The following PCNX1 variants were observed in gnomAD, a reference collection of about 807,000 sequenced individuals.
PCNX1 encodes the protein pecanex 1.
Under a neutral mutation model 242.2 loss-of-function variants are expected in PCNX1, and 78 were observed. That is an observed-to-expected ratio of 0.32 (90% CI 0.27 to 0.39). The LOEUF (loss-of-function observed/expected upper bound fraction) is 0.39, where lower values mean the gene tolerates loss of function less well. Ranked by LOEUF, PCNX1 falls within the 10% of genes least tolerant of loss-of-function variation. PCNX1 has a pLI of 1.00. For synonymous variants in PCNX1, 1,024 were observed against 1,032.9 expected, an observed-to-expected ratio of 0.99 and a Z score of 0.17; for missense variants, 2,581 against 2,856.5, an observed-to-expected ratio of 0.90 and a Z score of 2.20.
At chr14:70,939,649 C>T (rs1452431113) in intron 1 of PCNX1, among the ~76,000 whole-genome samples, 3 of 152,098 alleles carry the variant, frequency 2.0e-5, no homozygotes, top group Non-Finnish European at 4.4e-5. Flanking sequence ...CTATTAGGTC[C>T]ACTTGGTGCA....
intron 26 of PCNX1, among the ~76,000 whole-genome samples, chr14:71,071,043 T>C (rs2061574349): frequency 6.6e-6 from 1 of 152,346 alleles, no homozygotes; most frequent in South Asian, 2.1e-4. Flanking sequence ...TGCAGTTTTA[T>C]GTTATGAAGA....
chr14:70,926,460 G>A (rs1286660350), intron 1 of PCNX1, among the ~76,000 whole-genome samples: 2 of 152,134 alleles, frequency 1.3e-5, no homozygotes, highest in Non-Finnish European at 2.9e-5. Context: ...TATGTAAATA[G>A]CAGCAAGAGA....
At chr14:71,102,669 TA>T (rs2062495087) in intron 31 of PCNX1, among the ~76,000 whole-genome samples, 1 of 152,226 alleles carries the variant, frequency 6.6e-6, no homozygotes, top group Non-Finnish European at 1.5e-5. Flanking sequence ...TAATTTTACT[TA>T]TTTTTTTTTA....
At chr14:71,020,487 A>T (rs916044153) in intron 12 of PCNX1, among the ~76,000 whole-genome samples, 8 of 152,104 alleles carry the variant, frequency 5.3e-5, no homozygotes, top group Admixed American at 5.2e-4. Context: ...CTGGCTTGAG[A>T]TGGTATCTCA....
At chr14:70,958,406 A>G (rs971140753) in intron 2 of PCNX1, among the ~76,000 whole-genome samples, 5 of 152,164 alleles carry the variant, frequency 3.3e-5, no homozygotes, top group Non-Finnish European at 7.3e-5. Context: ...TATATTGCCT[A>G]TATCTTTTGA....
intron 30 of PCNX1, among the ~76,000 whole-genome samples, chr14:71,090,680 T>C (rs986241406): frequency 2.0e-5 from 3 of 152,248 alleles, no homozygotes; most frequent in Non-Finnish European, 4.4e-5. Context: ...TTTTAAAACT[T>C]AGACATTTCT....
At chr14:71,078,823 G>A (rs1016597675) in intron 28 of PCNX1, 19 of 152,040 alleles carry the variant, frequency 1.2e-4, no homozygotes, top group African/African-American at 4.1e-4. Flanking sequence ...TAAATATGAT[G>A]TGCCTTAGTG....
chr14:71,073,670 C>G lies in PCNX1; in HGVS notation c.4978C>G (p.Arg1660Gly). ...TTCATTTAATGCTGCATTTAGCCAG[C>G]GATGGCTAGCTTGGGAAGTGATAGT... ...MLSFNAAFSQ[R>G]WLAWEVIVTK... is the part of the protein sequence containing the mutation. The change falls in exon 27 of 36, where the codon CGA becomes GGA. Residue 1660 changes from arginine to glycine, a missense_variant. By Grantham distance (125) the Arg-to-Gly change is moderately radical. Around this residue, in one of 9 missense-constraint regions of PCNX1, gnomAD observed 298 missense variants for 480.1 expected, o/e 0.62. Transcript: ENST00000304743. 1 of 1,613,970 alleles carries G rather than the reference C, an allele frequency of 6.2e-7. No homozygotes were observed. Among genetic ancestry groups the G allele is most frequent in the Non-Finnish European group, 8.5e-7 (1 of 1,179,960 alleles).
chr14:71,040,833 A>G (rs1321177707), intron 19 of PCNX1, among the ~76,000 whole-genome samples: 1 of 151,332 alleles, frequency 6.6e-6, no homozygotes, highest in East Asian at 1.9e-4. Flanking sequence ...CACCACCCCT[A>G]CTACCCTTCC....
intron 27 of PCNX1, among the ~76,000 whole-genome samples, chr14:71,074,761 G>A (rs1210005240): frequency 2.0e-5 from 3 of 152,118 alleles, no homozygotes; most frequent in Non-Finnish European, 2.9e-5. Context: ...GCATCCCAAG[G>A]CTTAGCGGTT....
chr14:71,041,797 A>ACTATG (rs1369430905), intron 19 of PCNX1, among the ~76,000 whole-genome samples: 3 of 120,804 alleles, frequency 2.5e-5, no homozygotes, highest in South Asian at 2.8e-4. Context: ...ACTATACTAT[A>ACTATG]CTATACTATA....
chr14:71,026,162 A>T lies in PCNX1; in HGVS notation c.3229A>T (p.Ile1077Leu). Reference sequence around the variant, plus strand: ...CTACAGTAGACCAGTTTATTTCTGCATATGTTGCGGTCTTATTTGGCTCTT... The same window carrying T: ...CTACAGTAGACCAGTTTATTTCTGCTTATGTTGCGGTCTTATTTGGCTCTT... The part of the protein sequence containing the change: ...IAYSRPVYFC[I>L]CCGLIWLLDY... The change falls in exon 14 of 36, where the codon ATA (isoleucine) becomes TTA (leucine). Residue 1077 changes from isoleucine (I) to leucine (L), a missense_variant. By Grantham distance (5) the Ile-to-Leu change is conservative. Around this residue, in one of 9 missense-constraint regions of PCNX1, gnomAD observed 432 missense variants for 443.1 expected, o/e 0.97. Coordinates refer to ENST00000304743, the MANE Select transcript of PCNX1 (RefSeq NM_014982.3). 1 of 1,610,874 alleles carries T rather than the reference A, an allele frequency of 6.2e-7. No individual in the cohort carries two copies. The highest frequency in any genetic ancestry group is 1.7e-5 in the Admixed American group (1 of 59,868).
intron 7 of PCNX1, among the ~76,000 whole-genome samples, chr14:70,994,515 A>G (rs2140322539): frequency 6.7e-6 from 1 of 149,790 alleles, no homozygotes; most frequent in Middle Eastern, 3.5e-3. Context: ...TAGAGAAACA[A>G]TTACATTGAA....
rs142096695 is a variant in PCNX1 at position 71,007,578 on chromosome 14, C to T, written c.2630-2056C>T. Among the ~76,000 whole-genome samples, 766 of 152,196 alleles carry T rather than the reference C, an allele frequency of 5.0e-3. 20 individuals are homozygous for T. Among genetic ancestry groups the T allele is most frequent in the Admixed American group, 0.037 (565 of 15,282 alleles). ...ATGCAGTAACCAAGCCCTCTTTGCTCTTTGTTAATCCATGATTTAGTCATT... is the reference window on the plus strand; with the variant it reads ...ATGCAGTAACCAAGCCCTCTTTGCTTTTTGTTAATCCATGATTTAGTCATT... On this transcript the variant is annotated intron_variant, in intron 8 of 35. Coordinates refer to ENST00000304743, the MANE Select transcript of PCNX1 (RefSeq NM_014982.3).
At chr14:71,081,450 C>G (rs1206782492) in intron 28 of PCNX1, among the ~76,000 whole-genome samples, 1 of 152,182 alleles carries the variant, frequency 6.6e-6, no homozygotes, top group Non-Finnish European at 1.5e-5. Flanking sequence ...ATGGTACCAG[C>G]TCTTCTTCGT....
intron 4 of PCNX1, among the ~76,000 whole-genome samples, chr14:70,968,552 TA>T (rs1469066968): frequency 6.6e-6 from 1 of 152,168 alleles, no homozygotes; most frequent in Admixed American, 6.5e-5. Context: ...CATGGAAAAC[TA>T]AGTAATTTGA....
intron 1 of PCNX1, among the ~76,000 whole-genome samples, chr14:70,935,507 T>G (rs1018189149): frequency 1.3e-5 from 2 of 152,236 alleles, no homozygotes; most frequent in Admixed American, 1.3e-4. Flanking sequence ...TAGGTGTGTT[T>G]TAAGCATTCA....
Position 70,977,795 on chromosome 14 carries a change from A to G in PCNX1, c.1458A>G (p.Ala486=). 1 of 1,614,162 alleles carries G rather than the reference A, an allele frequency of 6.2e-7. No homozygotes were observed. The highest frequency in any genetic ancestry group is 8.5e-7 in the Non-Finnish European group (1 of 1,180,016). The change falls in exon 6 of 36, where the codon GCA becomes GCG. Residue 486 remains alanine, a synonymous_variant. Transcript: ENST00000304743. ...MHNQRGLSTS[A]SEEANKNPHA... ...ACCAGAGAGGTCTCAGCACCTCTGC[A>G]TCTGAAGAAGCCAATAAAAATCCCC...
At chr14:71,046,899 TTC>T (rs2060876181) in intron 20 of PCNX1, 63 bp from the exon 21 acceptor site, 1 of 1,366,252 alleles carries the variant, frequency 7.3e-7, no homozygotes, top group Non-Finnish European at 9.8e-7. Context: ...AAATTTTTCT[TTC>T]TCATCACATT....
Sources: gnomAD v4.1 joint callset for allele counts (sites outside exome capture counted in the v4.1 genomes callset) on GRCh38, gnomAD v4.1.1 for gene constraint, gnomAD v4.1.1 regional missense constraint, MANE v1.5 for transcripts, NCBI Gene and HGNC (gene_info 2026-07-23, HGNC 2026-07-21) for gene names.